FSTL5: variants seen among roughly 807,000 people sequenced by gnomAD.
FSTL5 encodes follistatin like 5, also known as follistatin-related protein 5.
FSTL5 carries 62 observed loss-of-function variants against 89.1 expected under a neutral mutation model. The ratio of observed to expected loss-of-function variants is 0.70; its 90% CI spans 0.57 to 0.86. The LOEUF (loss-of-function observed/expected upper bound fraction) is 0.86. FSTL5 is among the 40% of genes least tolerant of loss of function. The pLI is 0.00. For synonymous variants in FSTL5, 383 were observed against 346.2 expected (o/e 1.11, Z -1.18); for missense variants, 1,057 against 1,001.6 (o/e 1.06, Z -0.75).
chr4:161,832,273 A>T (rs1730870369), intron 4 of FSTL5, among the ~76,000 whole-genome samples: 2 of 152,076 alleles, frequency 1.3e-5, no homozygotes, highest in South Asian at 4.1e-4. Context: ...CAGTGCAGTG[A>T]TATTTTTTGG....
intron 3 of FSTL5, among the ~76,000 whole-genome samples, chr4:161,981,545 C>T (rs1735827306): frequency 6.6e-6 from 1 of 152,054 alleles, no homozygotes; most frequent in South Asian, 2.1e-4. Context: ...TGTATATTGA[C>T]CATATTTCTC....
intron 5 of FSTL5, among the ~76,000 whole-genome samples, chr4:161,769,715 C>T (rs987412319): frequency 1.3e-5 from 2 of 151,954 alleles, no homozygotes; most frequent in African/African-American, 4.8e-5. Flanking sequence ...ATACTAAATG[C>T]AGAAAAACTG....
At chr4:162,147,819 G>A (rs1289780473) in intron 1 of FSTL5, among the ~76,000 whole-genome samples, 1 of 151,642 alleles carries the variant, frequency 6.6e-6, no homozygotes, top group Non-Finnish European at 1.5e-5. Context: ...GAGACCAGAC[G>A]TTGGTGAAAC....
At chr4:161,489,732 G>A (rs1729800130) in intron 12 of FSTL5, among the ~76,000 whole-genome samples, 1 of 152,062 alleles carries the variant, frequency 6.6e-6, no homozygotes, top group Non-Finnish European at 1.5e-5. Context: ...CCCAACTATT[G>A]ATTAATAAAT....
intron 13 of FSTL5, among the ~76,000 whole-genome samples, chr4:161,475,811 G>A (rs143416924): frequency 8.0e-4 from 122 of 151,806 alleles, no homozygotes; most frequent in Non-Finnish European, 1.6e-3. Context: ...GTGCAGTGGC[G>A]CAATCTCAGC....
chr4:161,857,920 C>T (rs532622618), intron 4 of FSTL5, among the ~76,000 whole-genome samples: 26 of 152,218 alleles, frequency 1.7e-4, no homozygotes, highest in Middle Eastern at 3.4e-3. Context: ...GGCTTTTAGC[C>T]TAACTTTCGG....
chr4:161,656,257 T>G (rs1051139486), intron 7 of FSTL5, 71 bp downstream of exon 7: 1 of 761,004 alleles, frequency 1.3e-6, no homozygotes, highest in Non-Finnish European at 2.0e-6. Context: ...TAAGCTCCCC[T>G]GACATCACAA....
At chr4:161,818,396 A>G (rs548688894) in intron 4 of FSTL5, among the ~76,000 whole-genome samples, 3 of 152,222 alleles carry the variant, frequency 2.0e-5, no homozygotes. Flanking sequence ...ACCCGGGGAT[A>G]AAGAAAGTCC....
At chr4:161,435,946 C>T (rs1455588730) in intron 15 of FSTL5, among the ~76,000 whole-genome samples, 1 of 151,846 alleles carries the variant, frequency 6.6e-6, no homozygotes, top group African/African-American at 2.4e-5. Flanking sequence ...TAAAGTACAC[C>T]ATGCTTTTTC....
At chr4:161,793,993 G>A (rs940025124) in intron 4 of FSTL5, among the ~76,000 whole-genome samples, 1 of 152,144 alleles carries the variant, frequency 6.6e-6, no homozygotes, top group Non-Finnish European at 1.5e-5. Flanking sequence ...CCTAGTGAGA[G>A]TGGTCAGGAA....
intron 3 of FSTL5, among the ~76,000 whole-genome samples, chr4:161,992,801 C>G (rs1194332136): frequency 7.0e-6 from 1 of 142,150 alleles, no homozygotes; most frequent in Admixed American, 7.3e-5. Context: ...CTGAGACCAC[C>G]GTGCCATTGA....
intron 8 of FSTL5, among the ~76,000 whole-genome samples, chr4:161,575,460 T>TC (rs1212463704): frequency 1.2e-4 from 18 of 152,042 alleles, no homozygotes; most frequent in Non-Finnish European, 7.4e-5. Flanking sequence ...TTCTTTTTTT[T>TC]CTTTTTTTTT....
intron 6 of FSTL5, among the ~76,000 whole-genome samples, chr4:161,719,682 A>G (rs776605887): frequency 6.6e-6 from 1 of 151,768 alleles, no homozygotes; most frequent in Non-Finnish European, 1.5e-5. Flanking sequence ...TTTTTGGTGT[A>G]CAAGTCCTTC....
At chr4:161,422,026 A>G (rs2126315223) in intron 15 of FSTL5, among the ~76,000 whole-genome samples, 1 of 152,074 alleles carries the variant, frequency 6.6e-6, no homozygotes, top group South Asian at 2.1e-4. Context: ...AATACCTTAT[A>G]TGTGCTATGT....
intron 6 of FSTL5, among the ~76,000 whole-genome samples, chr4:161,750,761 C>T (rs1057308998): frequency 6.6e-5 from 10 of 152,074 alleles, no homozygotes; most frequent in East Asian, 1.9e-4. Flanking sequence ...GTCTGAAAAA[C>T]ATAATCCTTA....
intron 13 of FSTL5, among the ~76,000 whole-genome samples, chr4:161,460,951 A>G (rs181975793): frequency 1.3e-4 from 20 of 151,098 alleles, no homozygotes; most frequent in East Asian, 1.2e-3. Context: ...CATACTCTGT[A>G]TGTATTGCAT....
intron 3 of FSTL5, among the ~76,000 whole-genome samples, chr4:161,974,447 G>A (rs374629019): frequency 5.1e-5 from 7 of 136,728 alleles, no homozygotes; most frequent in East Asian, 2.1e-4. Context: ...AAATAACGCC[G>A]CATATCTACA....
intron 1 of FSTL5, among the ~76,000 whole-genome samples, chr4:162,160,949 T>C (rs1733671337): frequency 6.6e-6 from 1 of 151,890 alleles, no homozygotes; most frequent in African/African-American, 2.4e-5. Context: ...TAAGAAGAAA[T>C]AATCTATCTA....
intron 3 of FSTL5, among the ~76,000 whole-genome samples, chr4:161,935,414 T>C (rs968867625): frequency 2.0e-5 from 3 of 152,146 alleles, no homozygotes; most frequent in Non-Finnish European, 4.4e-5. Context: ...TCTGAAAAGA[T>C]AGATTTATAC....
Sources: gnomAD v4.1 joint callset for allele counts (sites outside exome capture counted in the v4.1 genomes callset) on GRCh38, gnomAD v4.1.1 for gene constraint, MANE v1.5 for transcripts, NCBI Gene and HGNC (gene_info 2026-07-23, HGNC 2026-07-21) for gene names.